AGBL1: variants seen among roughly 807,000 people sequenced by gnomAD.
The protein encoded by AGBL1 is AGBL carboxypeptidase 1.
In AGBL1, 130 loss-of-function variants were observed where a neutral mutation model predicts 118.9. The ratio of observed to expected loss-of-function variants is 1.09; its 90% CI spans 0.95 to 1.26. The LOEUF (loss-of-function observed/expected upper bound fraction) is 1.26. Among genes scored for constraint, AGBL1 ranks in the 50% most tolerant of loss-of-function variants. The pLI is 0.00. For synonymous variants in AGBL1, 555 were observed against 478.9 expected, an observed-to-expected ratio of 1.16 and a Z score of -2.08; for missense variants, 1,584 against 1,298.1, an observed-to-expected ratio of 1.22 and a Z score of -3.38.
At chr15:86,533,814 G>C (rs1176370364) in intron 19 of AGBL1, among the ~76,000 whole-genome samples, 1 of 104,104 alleles carries the variant, frequency 9.6e-6, no homozygotes, top group Non-Finnish European at 1.8e-5. Context: ...CCTTTGTAGG[G>C]ACATGGATGA....
intron 15 of AGBL1, among the ~76,000 whole-genome samples, chr15:86,276,565 CATAAAG>C (rs1251523519): frequency 6.6e-6 from 1 of 152,116 alleles, no homozygotes; most frequent in Admixed American, 6.5e-5. Flanking sequence ...AGGTGGGAAG[CATAAAG>C]ATAAACAGAT....
At chr15:86,206,188 C>G (rs1338095936) in intron 5 of AGBL1, among the ~76,000 whole-genome samples, 2 of 152,120 alleles carry the variant, frequency 1.3e-5, no homozygotes, top group East Asian at 1.9e-4. Context: ...GTATATTTGC[C>G]ACATTTTCTT....
intron 23 of AGBL1, among the ~76,000 whole-genome samples, chr15:86,923,040 A>G (rs2080496070): frequency 6.6e-6 from 1 of 152,206 alleles, no homozygotes; most frequent in South Asian, 2.1e-4. Context: ...CTGCAGCAAG[A>G]AGGAGTCCAG....
intron 5 of AGBL1, among the ~76,000 whole-genome samples, chr15:86,206,366 C>A (rs2077992140): frequency 6.6e-6 from 1 of 152,250 alleles, no homozygotes; most frequent in Non-Finnish European, 1.5e-5. Context: ...ACTTCTAGTT[C>A]TAGATCCTTG....
intron 3 of AGBL1, among the ~76,000 whole-genome samples, chr15:86,152,858 C>A (rs1413901440): frequency 6.6e-6 from 1 of 152,182 alleles, no homozygotes; most frequent in Admixed American, 6.5e-5. Context: ...AGGATATGAA[C>A]AGACATTTCT....
intron 18 of AGBL1, among the ~76,000 whole-genome samples, chr15:86,518,553 C>G (rs1467671359): frequency 6.6e-6 from 1 of 152,054 alleles, no homozygotes; most frequent in Non-Finnish European, 1.5e-5. Flanking sequence ...AAGCTGTCTT[C>G]TCTTTTCTTA....
At chr15:86,792,126 G>C (rs753232917) in intron 22 of AGBL1, among the ~76,000 whole-genome samples, 4 of 152,212 alleles carry the variant, frequency 2.6e-5, no homozygotes, top group African/African-American at 9.6e-5. Context: ...TAACTCCAGT[G>C]CCCACACTTA....
chr15:86,135,968 G>C (rs1174946672), intron 1 of AGBL1, among the ~76,000 whole-genome samples: 1 of 152,210 alleles, frequency 6.6e-6, no homozygotes, highest in Non-Finnish European at 1.5e-5. Context: ...GGTACCTTAA[G>C]ACTATTATGC....
At chr15:86,135,305 T>C (rs1461532794) in intron 1 of AGBL1, among the ~76,000 whole-genome samples, 1 of 152,244 alleles carries the variant, frequency 6.6e-6, no homozygotes, top group African/African-American at 2.4e-5. Flanking sequence ...GAAAAGCAGA[T>C]GCTGGGTCCA....
At chr15:86,589,420 A>G (rs969217480) in intron 21 of AGBL1, among the ~76,000 whole-genome samples, 2 of 152,212 alleles carry the variant, frequency 1.3e-5, no homozygotes, top group Non-Finnish European at 1.5e-5. Context: ...CCCATGATAA[A>G]TGGTTAAATT....
intron 5 of AGBL1, among the ~76,000 whole-genome samples, chr15:86,212,706 A>G (rs994107935): frequency 6.6e-6 from 1 of 152,024 alleles, no homozygotes; most frequent in African/African-American, 2.4e-5. Flanking sequence ...CTGGAGTGCA[A>G]TGGCGTGATC....
chr15:86,419,558 G>A (rs945767210), intron 18 of AGBL1, among the ~76,000 whole-genome samples: 5 of 151,366 alleles, frequency 3.3e-5, no homozygotes, highest in Non-Finnish European at 4.4e-5. Context: ...TAAGCTAGCT[G>A]CAGGAGTTTT....
rs531168307 is a variant in AGBL1 at position 86,142,052 on chromosome 15, G to T, written c.100G>T (p.Asp34Tyr). The change falls in exon 2 of 23, where the codon GAT becomes TAT. Residue 34 changes from aspartate (D) to tyrosine (Y), a missense_variant. Coordinates refer to ENST00000614907, the MANE Select transcript of AGBL1 (RefSeq NM_001386094.1). ...SILTILKVLG[D>Y]LLSVGTDRRI... ...CCTGACCATCCTCAAGGTCCTCGGA[G>T]ATCTGCTTTCTGTTGGTGAGTAGGC... 3.2e-6 allele frequency: 5 copies of T among 1,550,164 alleles called. No homozygotes were observed. The African/African-American group carries it at 4.1e-5, about 13-fold the overall frequency.
chr15:86,421,373 A>G (rs2081787470), intron 18 of AGBL1, among the ~76,000 whole-genome samples: 2 of 152,344 alleles, frequency 1.3e-5, no homozygotes, highest in Middle Eastern at 3.4e-3. Context: ...TAAGTGAAGG[A>G]GAATAAAATC....
chr15:86,229,934 C>T (rs915900347), intron 6 of AGBL1, among the ~76,000 whole-genome samples: 2 of 152,176 alleles, frequency 1.3e-5, no homozygotes, highest in African/African-American at 4.8e-5. Flanking sequence ...TCAGACCACT[C>T]TCCAATTTAA....
At chr15:86,817,918 G>A (rs1025750221) in intron 22 of AGBL1, among the ~76,000 whole-genome samples, 1 of 152,138 alleles carries the variant, frequency 6.6e-6, no homozygotes, top group Admixed American at 6.5e-5. Flanking sequence ...CACATAGAAA[G>A]AAGACAGTCA....
At chr15:86,678,144 C>A (rs1392940712) in intron 22 of AGBL1, among the ~76,000 whole-genome samples, 2 of 152,208 alleles carry the variant, frequency 1.3e-5, no homozygotes, top group African/African-American at 2.4e-5. Context: ...CATTTAACAT[C>A]CACTCTTCTA....
chr15:86,291,970 T>G (rs1478233490), intron 16 of AGBL1, among the ~76,000 whole-genome samples: 1 of 152,206 alleles, frequency 6.6e-6, no homozygotes, highest in Non-Finnish European at 1.5e-5. Flanking sequence ...CTTCTTATAA[T>G]TCCTTTACTT....
intron 18 of AGBL1, among the ~76,000 whole-genome samples, chr15:86,501,929 C>T (rs776062111): frequency 6.6e-6 from 1 of 151,396 alleles, no homozygotes; most frequent in Non-Finnish European, 1.5e-5. Flanking sequence ...TTGTTCTTTT[C>T]ATTTCCATGT....
Sources: allele counts gnomAD v4.1 joint callset (sites outside exome capture counted in the v4.1 genomes callset), GRCh38; gene constraint gnomAD v4.1.1; transcripts MANE v1.5; gene names NCBI Gene and HGNC (gene_info 2026-07-23, HGNC 2026-07-21).